Variants in ANKS6 observed in about 807,000 individuals in gnomAD.
ANKS6 encodes ankyrin repeat and SAM domain-containing protein 6.
Under a neutral mutation model 77.9 loss-of-function variants are expected in ANKS6, and 47 were observed. That is an observed-to-expected ratio of 0.60 (90% CI 0.48 to 0.77). The LOEUF is 0.77. ANKS6 is among the 30% of genes least tolerant of loss of function. The pLI is 0.00. For missense variants in ANKS6, 1,150 were observed against 1,159.1 expected, an observed-to-expected ratio of 0.99 and a Z score of 0.11; for synonymous variants, 488 against 501.7, an observed-to-expected ratio of 0.97 and a Z score of 0.37.
intron 9 of ANKS6, among the ~76,000 whole-genome samples, chr9:98,771,655 G>A (rs1469642160): frequency 6.6e-6 from 1 of 152,038 alleles, no homozygotes; most frequent in East Asian, 1.9e-4. Flanking sequence ...TTTGTGCCTT[G>A]GGGCCTTTGC....
Position 98,768,160 on chromosome 9 carries a change from C to G in ANKS6, c.2063G>C (p.Ser688Thr), listed in dbSNP as rs768030253. 32 of 1,613,922 alleles carry G rather than the reference C, an allele frequency of 2.0e-5. 1 individual carries two copies. The Admixed American group carries it at 5.2e-4, about 26-fold the overall frequency. Reference sequence around the variant, plus strand: ...GGACCCCGGTGCTGGCCCCACAGGGCTTGACCGATGGCTGGGTTTCTGCTC... The same window carrying G: ...GGACCCCGGTGCTGGCCCCACAGGGGTTGACCGATGGCTGGGTTTCTGCTC... ...LLEQKPSHRS[S>T]PVGPAPGSSP... Residue 688 changes from serine (S) to threonine (T), a missense_variant, in exon 11 of 15, where the codon AGC becomes ACC. Physicochemically the swap from Ser to Thr is moderately conservative, Grantham distance 58. Transcript: ENST00000353234.
In ANKS6 at chr9:98,778,405, G is replaced by A. The variant is rs1299283386; in HGVS notation, c.1388C>T (p.Ser463Phe). The change falls in exon 7 of 15, where the codon TCC becomes TTC. Residue 463 changes from serine (S) to phenylalanine (F), a missense_variant. Physicochemically the swap from Ser to Phe is radical, Grantham distance 155. Coordinates refer to ENST00000353234, the MANE Select transcript of ANKS6 (RefSeq NM_173551.5). ...GGLKSWWNRM[S>F]NRFRKLKLMQ... ...CAGTTTGAGCTTTCGGAACCGATTG[G>A]ACATTCGGTTCCACCAGGACTGCCA... The A allele has an allele frequency of 6.2e-7, 1 of 1,614,012 alleles. No homozygotes were observed. Among genetic ancestry groups the A allele is most frequent in the Admixed American group, 1.7e-5 (1 of 60,020 alleles).
intron 5 of ANKS6, among the ~76,000 whole-genome samples, chr9:98,782,108 G>A (rs1252552342): frequency 2.6e-5 from 4 of 152,308 alleles, no homozygotes; most frequent in East Asian, 3.9e-4. Flanking sequence ...GCTTATCAAA[G>A]GGGACTTTAT....
chr9:98,795,331 G>T (rs1033936147), intron 1 of ANKS6, among the ~76,000 whole-genome samples: 2 of 151,992 alleles, frequency 1.3e-5, no homozygotes, highest in Non-Finnish European at 2.9e-5. Context: ...TTTCCAAAAC[G>T]TAACTCTCAT....
intron 1 of ANKS6, 147 bp from the exon 2 acceptor site, chr9:98,790,753 A>G (rs1302064755): frequency 1.8e-6 from 2 of 1,104,970 alleles, no homozygotes; most frequent in Non-Finnish European, 1.3e-6. Flanking sequence ...TGCCAGCCAC[A>G]TGGATGCAGA....
Position 98,784,820 on chromosome 9 carries a change from T to A in ANKS6, c.907+12A>T. 1 of 1,611,250 alleles carries A rather than the reference T, an allele frequency of 6.2e-7. No individual in the cohort carries two copies. The highest frequency in any genetic ancestry group is 8.5e-7 in the Non-Finnish European group (1 of 1,178,604). Reference sequence around the variant, plus strand: ...TTCTTAAATATCCAAAAAGATTTTCTAAAGCGCTTACCCATTTTCAATGCA... The same window carrying A: ...TTCTTAAATATCCAAAAAGATTTTCAAAAGCGCTTACCCATTTTCAATGCA... On this transcript the variant is annotated intron_variant, in intron 3 of 14. Transcript: ENST00000353234.
chr9:98,755,608 C>T (rs1478560162), intron 12 of ANKS6, among the ~76,000 whole-genome samples: 1 of 152,360 alleles, frequency 6.6e-6, no homozygotes, highest in South Asian at 2.1e-4. Context: ...TGCCCTCACC[C>T]ATCCCCCTTC....
chr9:98,741,653 G>A (rs187061229), intron 14 of ANKS6, among the ~76,000 whole-genome samples: 1 of 152,322 alleles, frequency 6.6e-6, no homozygotes, highest in South Asian at 2.1e-4. Context: ...CCTCATTTCT[G>A]GTAAACCTCC....
At chr9:98,739,092 A>G (rs1831667339) in intron 14 of ANKS6, among the ~76,000 whole-genome samples, 1 of 148,660 alleles carries the variant, frequency 6.7e-6, no homozygotes, top group Non-Finnish European at 1.5e-5. Flanking sequence ...ATTAAGAATG[A>G]CACAGTGGAC....
At chr9:98,753,465 A>T (rs983590087) in intron 12 of ANKS6, among the ~76,000 whole-genome samples, 3 of 152,206 alleles carry the variant, frequency 2.0e-5, no homozygotes, top group Admixed American at 2.0e-4. Context: ...CCTCATTGTT[A>T]ACATTTTCCC....
At chr9:98,740,690 C>A (rs911042952) in intron 14 of ANKS6, among the ~76,000 whole-genome samples, 1 of 152,162 alleles carries the variant, frequency 6.6e-6, no homozygotes, top group Non-Finnish European at 1.5e-5. Context: ...ATGATTAAAA[C>A]CATAATTGTT....
Position 98,734,435 on chromosome 9 carries a change from C to A in ANKS6, c.*2084G>T. 1 of 985,442 alleles carries A rather than the reference C, an allele frequency of 1.0e-6. No homozygotes were observed. Among genetic ancestry groups the A allele is most frequent in the Non-Finnish European group, 1.2e-6 (1 of 829,960 alleles). The allele number at this position is 985,442 out of a possible 1,614,324, so 61.0% of individuals were successfully genotyped here. ...AAAAAAACAGGACCACAGCAAAAAG[C>A]AGGCACAAAACCTCAAAGCACATAA... On this transcript the variant is annotated 3_prime_UTR_variant, in exon 15 of 15. Transcript: ENST00000353234.
Position 98,736,593 on chromosome 9 carries a change from TG to T in ANKS6, c.2541del (p.Ile848PhefsTer58). 1 of 1,613,160 alleles carries T rather than the reference TG, an allele frequency of 6.2e-7. No individual in the cohort carries two copies. Among genetic ancestry groups the T allele is most frequent in the Non-Finnish European group, 8.5e-7 (1 of 1,179,610 alleles). On this transcript the variant is annotated frameshift_variant, in exon 15 of 15. Coordinates refer to ENST00000353234, the MANE Select transcript of ANKS6 (RefSeq NM_173551.5). LOFTEE classifies it high-confidence loss of function. Reference protein sequence around the residue: ...KGRERQILQETIHNFHSSFES... With the variant: ...KGRERQILQEXIHNFHSSFES... Reference sequence around the variant, plus strand: ...TCAAAGGAAGAGTGAAAGTTGTGAATGGTTTCCTGTAAAATTTGTCTCTCGC... The same window carrying T: ...TCAAAGGAAGAGTGAAAGTTGTGAATGTTTCCTGTAAAATTTGTCTCTCGC...
chr9:98,775,487 C>T (rs1017301400), intron 8 of ANKS6, among the ~76,000 whole-genome samples: 1 of 152,168 alleles, frequency 6.6e-6, no homozygotes, highest in Non-Finnish European at 1.5e-5. Context: ...GGTCACAACA[C>T]ATAAATCACA....
At chr9:98,776,642 T>C (rs933170140) in intron 8 of ANKS6, among the ~76,000 whole-genome samples, 2 of 152,102 alleles carry the variant, frequency 1.3e-5, no homozygotes, top group Non-Finnish European at 2.9e-5. Flanking sequence ...CTCACGTGAT[T>C]CACCTGCCTC....
chr9:98,787,881 A>G lies in ANKS6; in HGVS notation c.862+2223T>C, dbSNP rs531020458. ...AAGACCCGAGGTTCGCTCCTGTCAAATAACGCCGACAACACTATGGAGTAA... is the reference window on the plus strand; with the variant it reads ...AAGACCCGAGGTTCGCTCCTGTCAAGTAACGCCGACAACACTATGGAGTAA... On this transcript the variant is annotated intron_variant, in intron 2 of 14. Coordinates refer to ENST00000353234, the MANE Select transcript of ANKS6 (RefSeq NM_173551.5). 1.9e-3 allele frequency among the ~76,000 whole-genome samples: 288 copies of G among 152,352 alleles called. 1 individual carries two copies. Among genetic ancestry groups the G allele is most frequent in the Admixed American group, 3.4e-3 (52 of 15,304 alleles).
intron 1 of ANKS6, among the ~76,000 whole-genome samples, chr9:98,792,046 T>C (rs1379358710): frequency 1.3e-5 from 2 of 152,136 alleles, no homozygotes; most frequent in African/African-American, 4.8e-5. Context: ...GACTCCCAAA[T>C]GATATTCTCC....
intron 6 of ANKS6, 105 bp downstream of exon 6, chr9:98,780,084 G>A (rs963875146): frequency 3.1e-5 from 46 of 1,490,878 alleles, no homozygotes; most frequent in Non-Finnish European, 4.1e-5. Flanking sequence ...ACCCCTGCAG[G>A]GACTCCCTAG....
chr9:98,747,276 T>C (rs1050941973), intron 13 of ANKS6, among the ~76,000 whole-genome samples: 9 of 152,242 alleles, frequency 5.9e-5, no homozygotes, highest in Non-Finnish European at 1.2e-4. Flanking sequence ...TAACATTTTT[T>C]TTCTTTAAAA....
Sources: allele counts gnomAD v4.1 joint callset (sites outside exome capture counted in the v4.1 genomes callset), GRCh38; gene constraint gnomAD v4.1.1; transcripts MANE v1.5; gene names NCBI Gene and HGNC (gene_info 2026-07-23, HGNC 2026-07-21).